ERO1A: variants seen among roughly 807,000 people sequenced by gnomAD.
ERO1A encodes the protein endoplasmic reticulum oxidoreductase 1 alpha.
Under a neutral mutation model 76.9 loss-of-function variants are expected in ERO1A, and 49 were observed. The ratio of observed to expected loss-of-function variants is 0.64; its 90% confidence interval spans 0.51 to 0.81. ERO1A has a LOEUF of 0.81. ERO1A is among the 30% of genes least tolerant of loss of function. ERO1A has a pLI of 0.00. For synonymous variants in ERO1A, 174 were observed against 181.2 expected, an observed-to-expected ratio of 0.96 and a Z score of 0.32; for missense variants, 448 against 542.1, an observed-to-expected ratio of 0.83 and a Z score of 1.72.
intron 2 of ERO1A, among the ~76,000 whole-genome samples, chr14:52,682,714 C>T (rs927165981): frequency 5.9e-5 from 9 of 151,950 alleles, no homozygotes; most frequent in East Asian, 1.9e-4. Flanking sequence ...GCCTGGCCAA[C>T]GTGGCGAAAC....
At chr14:52,651,581 A>G (rs2039868960) in intron 13 of ERO1A, among the ~76,000 whole-genome samples, 1 of 152,024 alleles carries the variant, frequency 6.6e-6, no homozygotes, top group African/African-American at 2.4e-5. Context: ...TTTTTGAGGA[A>G]AAGAAAGATT....
At chr14:52,656,188 C>T (rs1026367594) in intron 11 of ERO1A, among the ~76,000 whole-genome samples, 2 of 152,158 alleles carry the variant, frequency 1.3e-5, no homozygotes, top group Admixed American at 1.3e-4. Context: ...TTACTCTCTA[C>T]TTCAATAAGA....
rs111535451 is a variant in ERO1A at position 52,677,360 on chromosome 14, A to G, written c.357+1074T>C. Among the ~76,000 whole-genome samples, 788 of 152,288 alleles carry G rather than the reference A, an allele frequency of 5.2e-3. 7 individuals carry two copies. The highest frequency in any genetic ancestry group is 0.016 in the African/African-American group (668 of 41,562). On this transcript the variant is annotated intron_variant, in intron 4 of 15. Coordinates refer to ENST00000395686, the MANE Select transcript of ERO1A (RefSeq NM_014584.3). Reference sequence around the variant, plus strand: ...AGTAACTCCTATATATATAATATATATCAAAAAAATGAATCTGAATCTGAT... The same window carrying G: ...AGTAACTCCTATATATATAATATATGTCAAAAAAATGAATCTGAATCTGAT...
chr14:52,680,949 C>G (rs2040972695), intron 3 of ERO1A, among the ~76,000 whole-genome samples: 1 of 152,122 alleles, frequency 6.6e-6, no homozygotes, highest in Admixed American at 6.5e-5. Context: ...TACCACTTCA[C>G]ACCTATTAGG....
intron 4 of ERO1A, among the ~76,000 whole-genome samples, chr14:52,675,327 G>A (rs2139731075): frequency 6.6e-6 from 1 of 151,628 alleles, no homozygotes; most frequent in South Asian, 2.1e-4. Context: ...AGGTTGCAGT[G>A]AGCCAAGATC....
chr14:52,684,809 CT>C (rs5808686), intron 1 of ERO1A, among the ~76,000 whole-genome samples: 1 of 151,868 alleles, frequency 6.6e-6, no homozygotes, highest in Non-Finnish European at 1.5e-5. Context: ...CTTTTTTTTT[CT>C]TTTTTCACCA....
At chr14:52,660,269 G>C (rs2040189681) in intron 9 of ERO1A, among the ~76,000 whole-genome samples, 3 of 151,388 alleles carry the variant, frequency 2.0e-5, no homozygotes, top group African/African-American at 7.3e-5. Context: ...CTTATAATAA[G>C]ACAGTTTCTC....
chr14:52,669,313 T>G (rs1207917574), intron 6 of ERO1A, among the ~76,000 whole-genome samples: 1 of 152,140 alleles, frequency 6.6e-6, no homozygotes, highest in African/African-American at 2.4e-5. Context: ...TAATTAAGGT[T>G]AAAATATTAC....
At chr14:52,649,736 G>A (rs2039789124) in intron 13 of ERO1A, among the ~76,000 whole-genome samples, 1 of 152,056 alleles carries the variant, frequency 6.6e-6, no homozygotes, top group Non-Finnish European at 1.5e-5. Flanking sequence ...GTTCCTGGAA[G>A]CTGTTTAGGC....
chr14:52,673,885 A>C (rs1419199327), intron 4 of ERO1A, among the ~76,000 whole-genome samples: 1 of 152,204 alleles, frequency 6.6e-6, no homozygotes, highest in Non-Finnish European at 1.5e-5. Flanking sequence ...CTACAGGTGC[A>C]TGCCACACAC....
chr14:52,666,418 C>G lies in ERO1A; in HGVS notation c.586G>C (p.Ala196Pro). The G allele has an allele frequency of 6.2e-7, 1 of 1,610,086 alleles. No homozygotes were observed. Among genetic ancestry groups the G allele is most frequent in the Non-Finnish European group, 8.5e-7 (1 of 1,178,172 alleles). The change falls in exon 7 of 16, where the codon GCT (alanine) becomes CCT (proline). Residue 196 changes from alanine (A) to proline (P), a missense_variant. Physicochemically the swap from Ala to Pro is conservative, Grantham distance 27. Coordinates refer to ENST00000395686, the MANE Select transcript of ERO1A (RefSeq NM_014584.3). ...TAGATGACATTCCATATTTTCCAAG[C>G]ATCTGGTCCCTTGTAACCAGTGTAG... ...ERYTGYKGPD[A>P]WKIWNVIYEE... is the part of the protein sequence containing the mutation.
intron 3 of ERO1A, among the ~76,000 whole-genome samples, chr14:52,679,919 T>C (rs1412520117): frequency 6.6e-6 from 1 of 151,742 alleles, no homozygotes; most frequent in African/African-American, 2.4e-5. Context: ...GGGCATGATG[T>C]GTGCCTGTAG....
intron 8 of ERO1A, among the ~76,000 whole-genome samples, chr14:52,661,846 C>T (rs1212501422): frequency 6.7e-6 from 1 of 149,110 alleles, no homozygotes; most frequent in East Asian, 2.0e-4. Flanking sequence ...AATTTGTCTT[C>T]AAAAATTTTG....
chr14:52,656,205 T>A (rs1008761941), intron 11 of ERO1A, among the ~76,000 whole-genome samples: 2 of 152,230 alleles, frequency 1.3e-5, no homozygotes, highest in Non-Finnish European at 2.9e-5. Context: ...AAGATTAAGT[T>A]TTTTAGAATC....
intron 7 of ERO1A, among the ~76,000 whole-genome samples, chr14:52,664,671 T>C (rs907962358): frequency 3.9e-5 from 6 of 152,126 alleles, no homozygotes; most frequent in Non-Finnish European, 8.8e-5. Flanking sequence ...ATGGATTCTT[T>C]TATTATTTTT....
At chr14:52,675,822 T>G (rs1416842020) in intron 4 of ERO1A, among the ~76,000 whole-genome samples, 2 of 151,992 alleles carry the variant, frequency 1.3e-5, no homozygotes, top group African/African-American at 2.4e-5. Flanking sequence ...GATGGGGTTT[T>G]GCTATTTTGA....
At position 52,691,207 on chromosome 14, in the gene ERO1A, A is replaced by G. The variant is rs146667340; in HGVS notation, c.114+4161T>C. Reference sequence around the variant, plus strand: ...TTTTATCACCATAAAAAAATAACATAAAAAGTACTCATCTGTTGACAGAAG... The same window carrying G: ...TTTTATCACCATAAAAAAATAACATGAAAAGTACTCATCTGTTGACAGAAG... On this transcript the variant is annotated intron_variant, in intron 1 of 15. Transcript: ENST00000395686. Among the ~76,000 whole-genome samples, 29 of 152,186 alleles carry G rather than the reference A, an allele frequency of 1.9e-4. No homozygotes were observed. In the East Asian group the frequency reaches 5.0e-3, roughly 26 times the overall value.
intron 13 of ERO1A, among the ~76,000 whole-genome samples, chr14:52,647,672 T>C (rs952441854): frequency 2.0e-5 from 3 of 152,106 alleles, no homozygotes; most frequent in African/African-American, 4.8e-5. Flanking sequence ...TTAAGGAATA[T>C]GGAAAAAAGA....
At position 52,655,618 on chromosome 14, in the gene ERO1A, A is replaced by G. The variant is rs187879783; in HGVS notation, c.808+2299T>C. On this transcript the variant is annotated intron_variant, in intron 11 of 15. Coordinates refer to ENST00000395686, the MANE Select transcript of ERO1A (RefSeq NM_014584.3). ...AATATTTCTTTTCCATATTGATATT[A>G]CAACTCAGAGGAATTTCTCACTCTT... 1.7e-3 allele frequency among the ~76,000 whole-genome samples: 253 copies of G among 152,234 alleles called. 1 individual carries two copies. The highest frequency in any genetic ancestry group is 5.9e-3 in the African/African-American group (244 of 41,544).
Sources: gnomAD v4.1 joint callset for allele counts (sites outside exome capture counted in the v4.1 genomes callset) on GRCh38, gnomAD v4.1.1 for gene constraint, MANE v1.5 for transcripts, NCBI Gene and HGNC (gene_info 2026-07-23, HGNC 2026-07-21) for gene names.